NAA15: variants seen among roughly 807,000 people sequenced by gnomAD.
The protein encoded by NAA15 is N-terminal acetyltransferase.
NAA15 carries 34 observed loss-of-function variants against 114.0 expected under a neutral mutation model. The ratio of observed to expected loss-of-function variants is 0.30; its 90% CI spans 0.23 to 0.40. NAA15 has a LOEUF of 0.40. Ranked by LOEUF, NAA15 falls within the 10% of genes least tolerant of loss-of-function variation. The pLI, the probability that NAA15 is intolerant of heterozygous loss-of-function variation, is 1.00. For missense variants in NAA15, 658 were observed against 1,004.5 expected (o/e 0.66, Z 4.66); for synonymous variants, 340 against 338.0 (o/e 1.01, Z -0.06).
intron 13 of NAA15, 129 bp from the exon 14 acceptor site, chr4:139,361,589 ATAATTG>A (rs1748132518): frequency 1.7e-6 from 1 of 589,188 alleles, no homozygotes; most frequent in Non-Finnish European, 2.9e-6. Context: ...TTCCTGTTGA[ATAATTG>A]TAATTGTTTT....
In NAA15 at chr4:139,311,727, G is replaced by A. The variant is rs963664119; in HGVS notation, c.54+9896G>A. The stretch of plus-strand genomic sequence containing the variant: ...CGTCATTTCATAAAGCTTTACAACC[G>A]ATTCTGACACGAAGTCAGGGTTGAT... On this transcript the variant is annotated intron_variant, in intron 1 of 19. Transcript: ENST00000296543. 5.9e-5 allele frequency among the ~76,000 whole-genome samples: 9 copies of A among 151,774 alleles called. 1 individual carries two copies. The highest frequency in any genetic ancestry group is 1.5e-4 in the African/African-American group (6 of 41,258).
At chr4:139,306,363 G>T (rs1012704174) in intron 1 of NAA15, among the ~76,000 whole-genome samples, 1 of 151,996 alleles carries the variant, frequency 6.6e-6, no homozygotes, top group Non-Finnish European at 1.5e-5. Flanking sequence ...CAAGTAGCTG[G>T]GATTACAGGC....
intron 2 of NAA15, among the ~76,000 whole-genome samples, chr4:139,334,705 C>A (rs553140312): frequency 2.6e-5 from 4 of 152,052 alleles, no homozygotes; most frequent in Non-Finnish European, 5.9e-5. Flanking sequence ...TAGGCTTTTG[C>A]TTGTGTGAAG....
chr4:139,367,303 C>T (rs1263770984), intron 14 of NAA15, among the ~76,000 whole-genome samples: 2 of 152,100 alleles, frequency 1.3e-5, no homozygotes, highest in African/African-American at 2.4e-5. Flanking sequence ...GGCTCTTGGC[C>T]CTGCCCTCTG....
intron 15 of NAA15, among the ~76,000 whole-genome samples, chr4:139,372,380 T>A (rs1748466516): frequency 6.6e-6 from 1 of 152,168 alleles, no homozygotes; most frequent in Non-Finnish European, 1.5e-5. Context: ...CAACCTGTGG[T>A]CTAATTATTT....
intron 1 of NAA15, among the ~76,000 whole-genome samples, chr4:139,328,186 A>T (rs1439215533): frequency 4.0e-5 from 6 of 151,672 alleles, no homozygotes; most frequent in Admixed American, 1.3e-4. Flanking sequence ...GTTCCATTTT[A>T]AAAAAATTGA....
chr4:139,302,073 C>T lies in NAA15; in HGVS notation c.54+242C>T, dbSNP rs1745791931. 1.2e-5 allele frequency: 5 copies of T among 410,064 alleles called. No homozygotes were observed. In the East Asian group the frequency reaches 1.5e-4, roughly 12 times the overall value. 25.4% of individuals were successfully genotyped at this position (410,064 alleles called of 1,614,324 possible). On this transcript the variant is annotated intron_variant, in intron 1 of 19. Transcript: ENST00000296543. ...TTGAGGCCCTGGTTCCGGACTAGGC[C>T]CCGACCTCCCGGCTTCTAGACTGCC...
chr4:139,355,476 C>G (rs189885459), intron 10 of NAA15, among the ~76,000 whole-genome samples: 1 of 152,046 alleles, frequency 6.6e-6, no homozygotes, highest in East Asian at 1.9e-4. Flanking sequence ...CACATTATTC[C>G]TTGCTCTCTG....
chr4:139,345,578 C>T lies in NAA15; in HGVS notation c.691+1239C>T, dbSNP rs142785918. Reference sequence around the variant, plus strand: ...TTGGTGACCTTAACAAAAGCACTTTCTGAGCTTCTGGAAGAAGGATGGTAA... The same window carrying T: ...TTGGTGACCTTAACAAAAGCACTTTTTGAGCTTCTGGAAGAAGGATGGTAA... On this transcript the variant is annotated intron_variant, in intron 6 of 19. Coordinates refer to ENST00000296543, the MANE Select transcript of NAA15 (RefSeq NM_057175.5). 7.9e-5 allele frequency among the ~76,000 whole-genome samples: 12 copies of T among 152,252 alleles called. No individual in the cohort carries two copies. In the East Asian group the frequency reaches 2.3e-3, roughly 29 times the overall value.
chr4:139,357,446 A>T lies in NAA15; in HGVS notation c.1148A>T (p.His383Leu). Residue 383 changes from histidine to leucine, a missense_variant, in exon 11 of 20, where the codon CAT becomes CTT. By Grantham distance (99) the His-to-Leu change is moderately conservative. Around this residue, in one of 6 missense-constraint regions of NAA15, gnomAD observed 281 missense variants for 389.1 expected, o/e 0.72. Coordinates refer to ENST00000296543, the MANE Select transcript of NAA15 (RefSeq NM_057175.5). ...LLWVQYYLAQHYDKIGQPSIA... is the reference protein window; with the variant it reads ...LLWVQYYLAQLYDKIGQPSIA... The stretch of plus-strand genomic sequence containing the variant: ...TGGGTCCAGTACTACTTGGCACAAC[A>T]TTATGACAAAATTGGTCAGCCATCT... The T allele has an allele frequency of 1.2e-6, 2 of 1,613,956 alleles. No homozygotes were observed. Among genetic ancestry groups the T allele is most frequent in the Non-Finnish European group, 1.7e-6 (2 of 1,179,888 alleles).
intron 7 of NAA15, among the ~76,000 whole-genome samples, chr4:139,349,968 A>G (rs554484289): frequency 3.2e-4 from 48 of 150,786 alleles, no homozygotes; most frequent in African/African-American, 1.1e-3. Flanking sequence ...CCTGGGCAAC[A>G]GAGCGAGACT....
chr4:139,313,003 C>T (rs1746269934), intron 1 of NAA15, among the ~76,000 whole-genome samples: 1 of 151,758 alleles, frequency 6.6e-6, no homozygotes, highest in Non-Finnish European at 1.5e-5. Context: ...TACTGAAACA[C>T]CTTGGGGAAA....
Position 139,362,072 on chromosome 4 carries a change from C to T in NAA15, c.1753+135C>T, listed in dbSNP as rs375122002. Reference sequence around the variant, plus strand: ...ATATTATACAAGGTTCTCTAAACAACAAAAGAAAAATGTTTACTTTTATGC... The same window carrying T: ...ATATTATACAAGGTTCTCTAAACAATAAAAGAAAAATGTTTACTTTTATGC... On this transcript the variant is annotated intron_variant, in intron 14 of 19. Transcript: ENST00000296543. The T allele has an allele frequency of 3.0e-4, 145 of 491,162 alleles. 1 individual carries two copies. The highest frequency in any genetic ancestry group is 1.7e-3 in the African/African-American group (87 of 50,376). 30.4% of individuals were successfully genotyped at this position (491,162 alleles called of 1,614,324 possible). A position where few individuals can be genotyped will look rare whatever the true frequency, so the allele number is the denominator to read the frequency against.
At chr4:139,362,961 T>C (rs1467413961) in intron 14 of NAA15, among the ~76,000 whole-genome samples, 1 of 152,226 alleles carries the variant, frequency 6.6e-6, no homozygotes, top group African/African-American at 2.4e-5. Flanking sequence ...TTCTTCCTGC[T>C]AAACAGCTTT....
rs765469505 is a variant in NAA15, at chr4:139,388,083, G to A, written c.2600G>A (p.Ter867=). The A allele has an allele frequency of 1.9e-6, 3 of 1,613,010 alleles. No homozygotes were observed. The East Asian group carries it at 6.7e-5, about 36-fold the overall frequency. ...AEAEELANEI[*] Reference sequence around the variant, plus strand: ...GCTGAAGAACTGGCCAATGAAATTTGAACATCACTAAACAAGCAAATGGAA... The same window carrying A: ...GCTGAAGAACTGGCCAATGAAATTTAAACATCACTAAACAAGCAAATGGAA... The change falls in exon 20 of 20, where the codon TGA becomes TAA. Residue 867 remains the stop codon, a stop_retained_variant. Coordinates refer to ENST00000296543, the MANE Select transcript of NAA15 (RefSeq NM_057175.5).
intron 1 of NAA15, among the ~76,000 whole-genome samples, chr4:139,303,690 GGGTGGCTGAGGC>G (rs1745893375): frequency 1.3e-5 from 2 of 152,126 alleles, no homozygotes; most frequent in Admixed American, 1.3e-4. Context: ...CCAGCTACTA[GGGTGGCTGAGGC>G]ACAAGAATCG....
chr4:139,310,314 C>T (rs963009244), intron 1 of NAA15, among the ~76,000 whole-genome samples: 5 of 150,898 alleles, frequency 3.3e-5, no homozygotes, highest in South Asian at 2.1e-4. Context: ...ATTAGCCGGG[C>T]GTAGTGGCGG....
In NAA15 at chr4:139,366,912, A is replaced by G. The variant is rs1017305193; in HGVS notation, c.1754-3299A>G. Among the ~76,000 whole-genome samples the G allele has an allele frequency of 7.9e-5, 12 of 152,316 alleles. 1 individual carries two copies. Among genetic ancestry groups the G allele is most frequent in the Non-Finnish European group, 1.5e-5 (1 of 68,018 alleles). On this transcript the variant is annotated intron_variant, in intron 14 of 19. Coordinates refer to ENST00000296543, the MANE Select transcript of NAA15 (RefSeq NM_057175.5). ...GCATGAGCCACCACGCCCAGCTTAC[A>G]TTATTCTTATATGCAAAATATAGTT...
At chr4:139,378,411 A>G (rs1448949262) in intron 16 of NAA15, among the ~76,000 whole-genome samples, 2 of 152,234 alleles carry the variant, frequency 1.3e-5, no homozygotes, top group Admixed American at 1.3e-4. Context: ...CTTCAAATAT[A>G]CACAATGAAA....
Sources: gnomAD v4.1 joint callset for allele counts (sites outside exome capture counted in the v4.1 genomes callset) on GRCh38, gnomAD v4.1.1 for gene constraint, gnomAD v4.1.1 regional missense constraint, MANE v1.5 for transcripts, NCBI Gene and HGNC (gene_info 2026-07-23, HGNC 2026-07-21) for gene names.